ZNF804B: variants seen among roughly 807,000 people sequenced by gnomAD.
ZNF804B encodes zinc finger 804B.
In ZNF804B, 80 loss-of-function variants were observed where a neutral mutation model predicts 101.4. That is an observed-to-expected ratio of 0.79 (90% confidence interval 0.66 to 0.95). ZNF804B has a LOEUF of 0.95. ZNF804B is among the 40% of genes least tolerant of loss of function. The pLI is 0.00. For synonymous variants in ZNF804B, 622 were observed against 558.8 expected, an observed-to-expected ratio of 1.11 and a Z score of -1.59; for missense variants, 1,673 against 1,561.9, an observed-to-expected ratio of 1.07 and a Z score of -1.20.
Position 88,759,890 on chromosome 7 carries a change from T to A in ZNF804B, c.-87T>A, listed in dbSNP as rs1789864703. ...GCCGCGTCTTCTCGGGAGGTGGTAG[T>A]CGCTGTTGCCGCTGAGAAACCCGCC... On this transcript the variant is annotated 5_prime_UTR_variant, in exon 1 of 4. Transcript: ENST00000333190. 2 of 1,089,990 alleles carry A rather than the reference T, an allele frequency of 1.8e-6. No homozygotes were observed. The highest frequency in any genetic ancestry group is 2.8e-6 in the Non-Finnish European group (2 of 714,606). 67.5% of individuals were successfully genotyped at this position (1,089,990 alleles called of 1,614,324 possible). A position where few individuals can be genotyped will look rare whatever the true frequency, so the allele number is the denominator to read the frequency against.
chr7:89,182,309 A>C (rs1371943224), intron 1 of ZNF804B, among the ~76,000 whole-genome samples: 1 of 152,204 alleles, frequency 6.6e-6, no homozygotes, highest in Non-Finnish European at 1.5e-5. Flanking sequence ...CCTTTTCAGC[A>C]ATCAAAATTC....
At chr7:89,173,896 A>G (rs1791277501) in intron 1 of ZNF804B, among the ~76,000 whole-genome samples, 1 of 151,956 alleles carries the variant, frequency 6.6e-6, no homozygotes, top group Non-Finnish European at 1.5e-5. Context: ...CTCTAACAAT[A>G]TTCTATTTAT....
At chr7:89,228,939 G>A (rs907755820) in intron 2 of ZNF804B, among the ~76,000 whole-genome samples, 2 of 152,190 alleles carry the variant, frequency 1.3e-5, no homozygotes, top group Non-Finnish European at 2.9e-5. Flanking sequence ...AAGGCCGGGG[G>A]AGAAATTGAG....
At chr7:88,913,025 T>C (rs1022113342) in intron 1 of ZNF804B, among the ~76,000 whole-genome samples, 2 of 152,178 alleles carry the variant, frequency 1.3e-5, no homozygotes, top group African/African-American at 4.8e-5. Flanking sequence ...AGATAAGGTT[T>C]TTCGAAATGT....
chr7:88,796,241 G>T (rs17164403), intron 1 of ZNF804B, among the ~76,000 whole-genome samples: 51,801 of 151,790 alleles, frequency 0.34, 10,869 homozygotes, highest in East Asian at 0.68. Context: ...TTTTAACAAT[G>T]AAACCTAAGA....
chr7:88,788,909 A>G (rs539602074), intron 1 of ZNF804B, among the ~76,000 whole-genome samples: 5 of 152,256 alleles, frequency 3.3e-5, no homozygotes, highest in African/African-American at 9.6e-5. Flanking sequence ...TTACAGGTGA[A>G]CTAATTCTAT....
chr7:89,332,604 A>G (rs1192040527), intron 3 of ZNF804B, among the ~76,000 whole-genome samples: 1 of 151,902 alleles, frequency 6.6e-6, no homozygotes. Context: ...TATCTCTTAT[A>G]TATGTTGATA....
intron 1 of ZNF804B, among the ~76,000 whole-genome samples, chr7:88,790,170 T>C (rs1790356994): frequency 6.6e-6 from 1 of 152,134 alleles, no homozygotes; most frequent in African/African-American, 2.4e-5. Context: ...ATATTAAATA[T>C]TATATGTTCA....
chr7:89,124,806 T>C (rs1328824935), intron 1 of ZNF804B, among the ~76,000 whole-genome samples: 1 of 147,254 alleles, frequency 6.8e-6, no homozygotes, highest in African/African-American at 2.5e-5. Flanking sequence ...ACTAATAGAA[T>C]TTTTTTTTTC....
intron 1 of ZNF804B, among the ~76,000 whole-genome samples, chr7:89,217,146 T>A (rs1019893126): frequency 6.6e-6 from 1 of 152,192 alleles, no homozygotes; most frequent in African/African-American, 2.4e-5. Flanking sequence ...TGAAAACAGA[T>A]AATTTAATGC....
intron 1 of ZNF804B, among the ~76,000 whole-genome samples, chr7:89,177,828 G>C (rs538370910): frequency 6.6e-6 from 1 of 151,846 alleles, no homozygotes; most frequent in East Asian, 1.9e-4. Flanking sequence ...CAAGGCGGGC[G>C]GATCACGAGG....
At chr7:88,784,802 G>A (rs776688165) in intron 1 of ZNF804B, among the ~76,000 whole-genome samples, 1 of 152,084 alleles carries the variant, frequency 6.6e-6, no homozygotes, top group Non-Finnish European at 1.5e-5. Flanking sequence ...TGACTTTGAG[G>A]CAGAAATTGA....
intron 1 of ZNF804B, among the ~76,000 whole-genome samples, chr7:88,941,752 T>C (rs1793058256): frequency 6.6e-6 from 1 of 151,896 alleles, no homozygotes; most frequent in Non-Finnish European, 1.5e-5. Flanking sequence ...CTAATATAAA[T>C]TGTGGACTTT....
chr7:88,814,846 C>T (rs1321852470), intron 1 of ZNF804B, among the ~76,000 whole-genome samples: 1 of 151,504 alleles, frequency 6.6e-6, no homozygotes, highest in Non-Finnish European at 1.5e-5. Flanking sequence ...TTTGTTTCCC[C>T]TTACTTTTCT....
At chr7:88,785,111 G>A (rs1019718711) in intron 1 of ZNF804B, among the ~76,000 whole-genome samples, 1 of 152,074 alleles carries the variant, frequency 6.6e-6, no homozygotes, top group Non-Finnish European at 1.5e-5. Context: ...ATCAAACTCT[G>A]TATTGGACAG....
At chr7:89,051,654 TTA>T in intron 1 of ZNF804B, among the ~76,000 whole-genome samples, 1 of 152,168 alleles carries the variant, frequency 6.6e-6, no homozygotes, top group Non-Finnish European at 1.5e-5. Context: ...ATTTTGTCAA[TTA>T]TGTTTCAGTT....
At chr7:89,241,138 T>C (rs546073878) in intron 2 of ZNF804B, among the ~76,000 whole-genome samples, 1 of 152,270 alleles carries the variant, frequency 6.6e-6, no homozygotes, top group Middle Eastern at 3.4e-3. Flanking sequence ...AAGGCCATTC[T>C]GCTCTTACGT....
chr7:88,781,306 C>G (rs1790222226), intron 1 of ZNF804B, among the ~76,000 whole-genome samples: 1 of 152,158 alleles, frequency 6.6e-6, no homozygotes, highest in Non-Finnish European at 1.5e-5. Context: ...AAGTGTAGCT[C>G]ATGTTCTTCC....
At chr7:88,989,953 A>G (rs978092232) in intron 1 of ZNF804B, among the ~76,000 whole-genome samples, 2 of 151,892 alleles carry the variant, frequency 1.3e-5, no homozygotes, top group Non-Finnish European at 2.9e-5. Context: ...TATCCCTTCT[A>G]TCTATAATTT....
Sources: gnomAD v4.1 joint callset for allele counts (sites outside exome capture counted in the v4.1 genomes callset) on GRCh38, gnomAD v4.1.1 for gene constraint, MANE v1.5 for transcripts, NCBI Gene and HGNC (gene_info 2026-07-23, HGNC 2026-07-21) for gene names.